The following CYP4F3 variants were observed in gnomAD, a reference collection of about 807,000 sequenced individuals.
CYP4F3 encodes the protein cytochrome P450 family 4 subfamily F member 3, also known as cytochrome P450 4F3.
Under a neutral mutation model 54.8 loss-of-function variants are expected in CYP4F3, and 50 were observed. That is an observed-to-expected ratio of 0.91 (90% confidence interval 0.73 to 1.16). The LOEUF (loss-of-function observed/expected upper bound fraction) is 1.16, where lower values mean the gene tolerates loss of function less well. Ranked by LOEUF, CYP4F3 falls within the 50% of genes most tolerant of loss-of-function variation. The probability of loss-of-function intolerance (pLI) is 0.00; values close to 1 mark genes in which losing one functional copy is unlikely to be tolerated. For synonymous variants in CYP4F3, 244 were observed against 262.6 expected, an observed-to-expected ratio of 0.93 and a Z score of 0.69; for missense variants, 715 against 676.2, an observed-to-expected ratio of 1.06 and a Z score of -0.64.
Position 15,650,713 on chromosome 19 carries a change from TTTCTTTCTTTCTTTCTTTCTTTC to T in CYP4F3, c.918+533_918+555del, listed in dbSNP as rs1972790485. Among the ~76,000 whole-genome samples the T allele has an allele frequency of 1.2e-4, 5 of 41,366 alleles. 2 individuals carry two copies. Among genetic ancestry groups the T allele is most frequent in the African/African-American group, 2.0e-4 (2 of 10,136 alleles). The allele number at this position is 41,366 out of a possible 152,430, so 27.1% of individuals were successfully genotyped here. Reference sequence around the variant, plus strand: ...CTTTCTTTCTTTCTTTCTTTCTTTCTTTCTTTCTTTCTTTCTTTCTTTCTTTTCCTTCCTTCCATCTTTCTTTC... The same window carrying T: ...CTTTCTTTCTTTCTTTCTTTCTTTCTTTTTCCTTCCTTCCATCTTTCTTTC... On this transcript the variant is annotated intron_variant, in intron 7 of 12. Coordinates refer to ENST00000221307, the MANE Select transcript of CYP4F3 (RefSeq NM_000896.3).
At chr19:15,646,963 T>G in intron 3 of CYP4F3, 89 bp from the exon 4 acceptor site, 2 of 1,568,964 alleles carry the variant, frequency 1.3e-6, no homozygotes, top group Non-Finnish European at 1.7e-6. Flanking sequence ...AGGGAAGAAG[T>G]GCAAACCTCT....
chr19:15,643,813 C>T (rs776089876), intron 2 of CYP4F3: 31 of 1,351,964 alleles, frequency 2.3e-5, no homozygotes, highest in Admixed American at 1.5e-4. Flanking sequence ...CCCTCACAGA[C>T]GGATGATCAA....
At position 15,662,272 on chromosome 19, in the gene CYP4F3, C is replaced by CAAAAAAAAAAAAAAAAAAAAAAA. The variant is rs376922016; in HGVS notation, c.*2907_*2908insAAAAAAAAAAAAAAAAAAAAAAA. 7.6e-4 allele frequency: 56 copies of CAAAAAAAAAAAAAAAAAAAAAAA among 73,660 alleles called. 8 individuals are homozygous for CAAAAAAAAAAAAAAAAAAAAAAA. Among genetic ancestry groups the CAAAAAAAAAAAAAAAAAAAAAAA allele is most frequent in the African/African-American group, 3.1e-3 (38 of 12,346 alleles). The allele number at this position is 73,660 out of a possible 1,614,324, so 4.6% of individuals were successfully genotyped here. A position where few individuals can be genotyped will look rare whatever the true frequency, so the allele number is the denominator to read the frequency against. On this transcript the variant is annotated 3_prime_UTR_variant, in exon 13 of 13. Coordinates refer to ENST00000221307, the MANE Select transcript of CYP4F3 (RefSeq NM_000896.3). Reference sequence around the variant, plus strand: ...GGTGAAAGAGCTAGATTCTCTCTCTCAAAAAAAAAAAAAAAAAAAAGGAAA... The same window carrying CAAAAAAAAAAAAAAAAAAAAAAA: ...GGTGAAAGAGCTAGATTCTCTCTCTCAAAAAAAAAAAAAAAAAAAAAAAAAAAAAAAAAAAAAAAAAAAGGAAA...
At chr19:15,653,065 G>A in intron 9 of CYP4F3, 113 bp downstream of exon 9, 1 of 1,434,948 alleles carries the variant, frequency 7.0e-7, no homozygotes, top group East Asian at 2.6e-5. Context: ...TGCTTAGTGG[G>A]AATAGGAGCA....
Position 15,658,954 on chromosome 19 carries a change from C to T in CYP4F3, c.1397+145C>T, listed in dbSNP as rs141766090. The stretch of plus-strand genomic sequence containing the variant: ...CCTCTGGAGTTTATGGGAAAAGGCC[C>T]ACAGAGTAGGATTGGGTTGGTCCTA... On this transcript the variant is annotated intron_variant, in intron 12 of 12. Transcript: ENST00000221307. 2.6e-3 allele frequency: 3,322 copies of T among 1,283,698 alleles called. 5 individuals are homozygous for T. Among genetic ancestry groups the T allele is most frequent in the Non-Finnish European group, 3.1e-3 (2,876 of 925,288 alleles). 79.5% of individuals were successfully genotyped at this position (1,283,698 alleles called of 1,614,324 possible).
rs28371473 is a variant in CYP4F3, at chr19:15,644,098, C to T, written c.199-1621C>T. 9.8e-4 allele frequency: 1,451 copies of T among 1,475,152 alleles called. 10 individuals are homozygous for T. In the African/African-American group the frequency reaches 0.019, roughly 20 times the overall value. 91.4% of individuals were successfully genotyped at this position (1,475,152 alleles called of 1,614,324 possible). A position where few individuals can be genotyped will look rare whatever the true frequency, so the allele number is the denominator to read the frequency against. On this transcript the variant is annotated intron_variant, in intron 2 of 12. Transcript: ENST00000221307. Reference sequence around the variant, plus strand: ...GGTGGGTGCTATGGTGCATTTGAGGCCTGCAAGTCCCTCTATCCCCAAGCC... The same window carrying T: ...GGTGGGTGCTATGGTGCATTTGAGGTCTGCAAGTCCCTCTATCCCCAAGCC...
At chr19:15,659,152 G>A (rs1973120252) in intron 12 of CYP4F3, 68 bp from the exon 13 acceptor site, 1 of 1,345,904 alleles carries the variant, frequency 7.4e-7, no homozygotes, top group African/African-American at 1.5e-5. Flanking sequence ...CCCAGGCCAG[G>A]TTACCGGCTT....
Position 15,647,072 on chromosome 19 carries a change from A to G in CYP4F3, c.364A>G (p.Lys122Glu). 6.2e-7 allele frequency: 1 copy of G among 1,613,924 alleles called. No individual in the cohort carries two copies. The highest frequency in any genetic ancestry group is 8.5e-7 in the Non-Finnish European group (1 of 1,180,016). ...FAPAAIVPKDKVFYSFLKPWL... is the reference protein window; with the variant it reads ...FAPAAIVPKDEVFYSFLKPWL... Reference sequence around the variant, plus strand: ...GTCAGCTGCCATTGTACCAAAGGACAAGGTCTTCTACAGCTTCCTGAAGCC... The same window carrying G: ...GTCAGCTGCCATTGTACCAAAGGACGAGGTCTTCTACAGCTTCCTGAAGCC... Residue 122 changes from lysine (K) to glutamate (E), a missense_variant, in exon 4 of 13, where the codon AAG (lysine) becomes GAG (glutamate). Coordinates refer to ENST00000221307, the MANE Select transcript of CYP4F3 (RefSeq NM_000896.3).
chr19:15,656,896 G>T (rs1234267596), intron 9 of CYP4F3, among the ~76,000 whole-genome samples: 1 of 151,928 alleles, frequency 6.6e-6, no homozygotes, highest in Non-Finnish European at 1.5e-5. Context: ...TCACTCAACA[G>T]GGTGCCTTAA....
chr19:15,649,490 T>C (rs1599890484), intron 6 of CYP4F3, among the ~76,000 whole-genome samples: 1 of 152,102 alleles, frequency 6.6e-6, no homozygotes, highest in Non-Finnish European at 1.5e-5. Flanking sequence ...AAAGTGGGTC[T>C]CTCTCAGGGA....
intron 1 of CYP4F3, among the ~76,000 whole-genome samples, 194 bp downstream of exon 1, chr19:15,641,139 C>T (rs375808033): frequency 6.6e-5 from 10 of 152,310 alleles, no homozygotes; most frequent in African/African-American, 1.7e-4. Flanking sequence ...CCCCTGGCAA[C>T]GTCCTAATGA....
intron 2 of CYP4F3, 104 bp from the exon 3 acceptor site, chr19:15,645,615 G>A: frequency 2.8e-6 from 4 of 1,449,892 alleles, no homozygotes; most frequent in South Asian, 1.4e-5. Context: ...GAGATGAGAT[G>A]CTGCTTGAAA....
chr19:15,652,015 C>G (rs1972870679), intron 7 of CYP4F3, among the ~76,000 whole-genome samples: 1 of 151,960 alleles, frequency 6.6e-6, no homozygotes, highest in Non-Finnish European at 1.5e-5. Flanking sequence ...ACTTTGTACC[C>G]TAGGAAAGGC....
chr19:15,658,612 G>A (rs1473128986), intron 11 of CYP4F3, 57 bp downstream of exon 11: 1 of 1,601,932 alleles, frequency 6.2e-7, no homozygotes, highest in African/African-American at 1.3e-5. Flanking sequence ...GGAGGGGGCA[G>A]GGTTTTGATC....
intron 2 of CYP4F3, 61 bp from the exon 3 acceptor site, chr19:15,645,658 C>A: frequency 1.3e-6 from 2 of 1,526,312 alleles, no homozygotes; most frequent in East Asian, 2.3e-5. Flanking sequence ...CTCTTCCCTG[C>A]AGATCCTTCT....
rs144841721 is a variant in CYP4F3 at position 15,645,733 on chromosome 19, G to A, written c.213G>A (p.Glu71=). 1.6e-5 allele frequency: 26 copies of A among 1,610,180 alleles called. No individual in the cohort carries two copies. In the African/African-American group the frequency reaches 3.2e-4, roughly 20 times the overall value. Residue 71 remains glutamate, a synonymous_variant, in exon 3 of 13, where the codon GAG becomes GAA. Transcript: ENST00000221307. ...TTTCTCTCCAGATTCACAGCTCGGA[G>A]GAAGGTCTCCTATACACACAAAGCC... is the stretch of plus-strand genomic sequence containing the variant. ...LGHLGLIHSS[E]EGLLYTQSLA...
At chr19:15,644,605 C>A (rs1049787385) in intron 2 of CYP4F3, among the ~76,000 whole-genome samples, 21 of 152,074 alleles carry the variant, frequency 1.4e-4, no homozygotes, top group African/African-American at 5.1e-4. Context: ...GGACTTGTGG[C>A]TGGTGGAGGA....
At chr19:15,643,787 G>T (rs143650031) in intron 2 of CYP4F3, 16,042 of 1,251,290 alleles carry the variant, frequency 0.013, 155 homozygotes, top group Non-Finnish European at 0.015. Flanking sequence ...TTGAATGCCA[G>T]TCTCTTCTGG....
rs1206867145 is a variant in CYP4F3 at position 15,662,353 on chromosome 19, T to A, written c.*2968T>A. The A allele has an allele frequency of 4.6e-5, 7 of 151,882 alleles. No individual in the cohort carries two copies. Among genetic ancestry groups the A allele is most frequent in the Non-Finnish European group, 8.8e-5 (6 of 68,008 alleles). The allele number at this position is 151,882 out of a possible 1,614,324, so 9.4% of individuals were successfully genotyped here. On this transcript the variant is annotated 3_prime_UTR_variant, in exon 13 of 13. Transcript: ENST00000221307. Reference sequence around the variant, plus strand: ...TGCTTTAACTTGCCTTGCAGGTTTGTAGAAAACTCAATTGTTGAAATTTGG... The same window carrying A: ...TGCTTTAACTTGCCTTGCAGGTTTGAAGAAAACTCAATTGTTGAAATTTGG...
Sources: gnomAD v4.1 joint callset for allele counts (sites outside exome capture counted in the v4.1 genomes callset) on GRCh38, gnomAD v4.1.1 for gene constraint, MANE v1.5 for transcripts, NCBI Gene and HGNC (gene_info 2026-07-23, HGNC 2026-07-21) for gene names.